The following F13A1 variants were observed in gnomAD, a reference collection of about 807,000 sequenced individuals.
F13A1 encodes the protein FSF, A subunit.
In F13A1, 47 loss-of-function variants were observed where a neutral mutation model predicts 80.1. The ratio of observed to expected loss-of-function variants is 0.59; its 90% CI spans 0.46 to 0.75. The LOEUF is 0.75. Among genes scored for constraint, F13A1 ranks in the 30% least tolerant of loss-of-function variants. F13A1 has a pLI of 0.00. For missense variants in F13A1, 817 were observed against 930.4 expected, an observed-to-expected ratio of 0.88 and a Z score of 1.59; for synonymous variants, 349 against 344.9, an observed-to-expected ratio of 1.01 and a Z score of -0.13.
chr6:6,160,988 T>C (rs1561638902), intron 13 of F13A1, among the ~76,000 whole-genome samples: 1 of 152,134 alleles, frequency 6.6e-6, no homozygotes, highest in Non-Finnish European at 1.5e-5. Flanking sequence ...TTAGTTCTAT[T>C]GGTGCTTCCT....
At chr6:6,192,101 C>CACAAGA (rs2151080895) in intron 10 of F13A1, among the ~76,000 whole-genome samples, 1 of 152,284 alleles carries the variant, frequency 6.6e-6, no homozygotes, top group East Asian at 1.9e-4. Context: ...AAAGTGCTGA[C>CACAAGA]ACAAGAGGAT....
At chr6:6,263,113 T>C (rs569330736) in intron 4 of F13A1, among the ~76,000 whole-genome samples, 1 of 152,228 alleles carries the variant, frequency 6.6e-6, no homozygotes, top group Non-Finnish European at 1.5e-5. Context: ...TCCGTCACCA[T>C]AAAATAACAC....
chr6:6,217,292 T>C (rs1472382774), intron 8 of F13A1, among the ~76,000 whole-genome samples: 1 of 152,072 alleles, frequency 6.6e-6, no homozygotes, highest in Non-Finnish European at 1.5e-5. Flanking sequence ...TGTCCACAAA[T>C]GATAGACTGG....
intron 13 of F13A1, among the ~76,000 whole-genome samples, chr6:6,153,795 A>G (rs1362506331): frequency 6.6e-6 from 1 of 152,224 alleles, no homozygotes; most frequent in Non-Finnish European, 1.5e-5. Context: ...GCTGACAACC[A>G]TAATTCACAT....
Position 6,266,639 on chromosome 6 carries a change from C to G in F13A1, c.490G>C (p.Val164Leu), listed in dbSNP as rs758761831. Residue 164 changes from valine to leucine, a missense_variant, in exon 4 of 15, where the codon GTC becomes CTC. Val to Leu is a conservative substitution (Grantham distance 32). Transcript: ENST00000264870. ...CGAAGTACGCCATAGGGAGTCCAGA[C>G]AGCAACATACATGCGGAATTTCCCC... The part of the protein sequence containing the change: ...IVGKFRMYVA[V>L]WTPYGVLRTS... 1.9e-6 allele frequency: 3 copies of G among 1,614,118 alleles called. No individual in the cohort carries two copies. The East Asian group carries it at 6.7e-5, about 36-fold the overall frequency.
At chr6:6,246,988 G>C (rs753025059) in intron 6 of F13A1, among the ~76,000 whole-genome samples, 4 of 151,890 alleles carry the variant, frequency 2.6e-5, no homozygotes, top group African/African-American at 9.7e-5. Flanking sequence ...TAATATATTT[G>C]TTATAAACGG....
chr6:6,184,750 A>C (rs1390773594), intron 10 of F13A1, among the ~76,000 whole-genome samples: 1 of 152,062 alleles, frequency 6.6e-6, no homozygotes, highest in Non-Finnish European at 1.5e-5. Flanking sequence ...CTGCCCCCCC[A>C]CCTTGAATAT....
chr6:6,320,116 G>A (rs1311964116), intron 1 of F13A1, among the ~76,000 whole-genome samples: 2 of 152,150 alleles, frequency 1.3e-5, no homozygotes, highest in Non-Finnish European at 2.9e-5. Context: ...CTAAGGAGGA[G>A]AAGTGGCTCG....
chr6:6,177,775 G>A (rs539877871), intron 11 of F13A1, among the ~76,000 whole-genome samples: 81 of 152,204 alleles, frequency 5.3e-4, no homozygotes, highest in Non-Finnish European at 1.0e-3. Context: ...GCACACAGGT[G>A]CTCACCACAG....
intron 4 of F13A1, among the ~76,000 whole-genome samples, chr6:6,263,106 G>A (rs13215173): frequency 2.1e-3 from 325 of 152,208 alleles, no homozygotes; most frequent in Non-Finnish European, 3.6e-3. Context: ...GTTCCTCTCC[G>A]TCACCATAAA....
intron 3 of F13A1, among the ~76,000 whole-genome samples, chr6:6,274,221 A>G (rs1757957997): frequency 6.6e-6 from 1 of 152,240 alleles, no homozygotes; most frequent in Non-Finnish European, 1.5e-5. Context: ...GTAGGTGCTC[A>G]ATAAATATTT....
chr6:6,152,939 T>G (rs187479136), intron 13 of F13A1, among the ~76,000 whole-genome samples: 1 of 152,324 alleles, frequency 6.6e-6, no homozygotes, highest in African/African-American at 2.4e-5. Flanking sequence ...CAAGAAAGGT[T>G]TGGAATGAAA....
chr6:6,225,254 C>T lies in F13A1; in HGVS notation c.799-394G>A, dbSNP rs562264197. 5.9e-5 allele frequency among the ~76,000 whole-genome samples: 9 copies of T among 152,126 alleles called. No individual in the cohort carries two copies. The East Asian group carries it at 1.2e-3, about 20-fold the overall frequency. ...ATAAAATCTCAAGTAGGGAACTTGT[C>T]TTGGTGGAAAGATAACTCAAAACTC... On this transcript the variant is annotated intron_variant, in intron 6 of 14. Transcript: ENST00000264870.
Position 6,145,237 on chromosome 6 carries a change from T to A in F13A1, c.*382A>T. 2 of 268,374 alleles carry A rather than the reference T, an allele frequency of 7.5e-6. No homozygotes were observed. The highest frequency in any genetic ancestry group is 7.3e-6 in the Non-Finnish European group (1 of 137,928). The allele number at this position is 268,374 out of a possible 1,614,324, so 16.6% of individuals were successfully genotyped here. A position where few individuals can be genotyped will look rare whatever the true frequency, so the allele number is the denominator to read the frequency against. ...GTGCTATTATTCCCAAAAGGCTGAGTGGGGAATCTGAAGTCTTGTTTTAAA... is the reference window on the plus strand; with the variant it reads ...GTGCTATTATTCCCAAAAGGCTGAGAGGGGAATCTGAAGTCTTGTTTTAAA... On this transcript the variant is annotated 3_prime_UTR_variant, in exon 15 of 15. Transcript: ENST00000264870.
At chr6:6,177,905 G>A (rs1760910615) in intron 11 of F13A1, among the ~76,000 whole-genome samples, 1 of 152,172 alleles carries the variant, frequency 6.6e-6, no homozygotes. Flanking sequence ...GCTTGTTGGA[G>A]GAACTGCTGG....
chr6:6,159,250 T>A (rs1170546711), intron 13 of F13A1, among the ~76,000 whole-genome samples: 3 of 152,000 alleles, frequency 2.0e-5, no homozygotes, highest in Non-Finnish European at 4.4e-5. Flanking sequence ...ATGAATGGGA[T>A]GTGGGAGGAG....
At chr6:6,298,842 C>A (rs1214629086) in intron 3 of F13A1, among the ~76,000 whole-genome samples, 2 of 149,172 alleles carry the variant, frequency 1.3e-5, no homozygotes. Flanking sequence ...TCTTCCTAGT[C>A]TTGATGGTCT....
intron 13 of F13A1, among the ~76,000 whole-genome samples, chr6:6,165,164 C>T (rs1179561468): frequency 1.3e-5 from 2 of 152,150 alleles, no homozygotes; most frequent in East Asian, 1.9e-4. Context: ...ATCAAATGTC[C>T]CTACCTCTAA....
At chr6:6,308,598 AAC>A (rs1222315476) in intron 2 of F13A1, among the ~76,000 whole-genome samples, 10 of 149,378 alleles carry the variant, frequency 6.7e-5, no homozygotes, top group African/African-American at 2.2e-4. Flanking sequence ...AAACCCTTAA[AAC>A]ACATTCTTTT....
Sources: gnomAD v4.1 joint callset for allele counts (sites outside exome capture counted in the v4.1 genomes callset) on GRCh38, gnomAD v4.1.1 for gene constraint, MANE v1.5 for transcripts, NCBI Gene and HGNC (gene_info 2026-07-23, HGNC 2026-07-21) for gene names.